The following GRM8 variants were observed in gnomAD, a reference collection of about 807,000 sequenced individuals.
GRM8 encodes the protein glutamate metabotropic receptor 8.
Under a neutral mutation model 87.2 loss-of-function variants are expected in GRM8, and 47 were observed. The ratio of observed to expected loss-of-function variants is 0.54; its 90% CI spans 0.43 to 0.69. GRM8 has a LOEUF of 0.69. Among genes scored for constraint, GRM8 ranks in the 30% least tolerant of loss-of-function variants. The probability of loss-of-function intolerance (pLI) is 0.00; values close to 1 mark genes in which losing one functional copy is unlikely to be tolerated. For missense variants in GRM8, 1,019 were observed against 1,139.2 expected, an observed-to-expected ratio of 0.89 and a Z score of 1.52; for synonymous variants, 396 against 404.5, an observed-to-expected ratio of 0.98 and a Z score of 0.25.
chr7:126,894,763 G>A (rs1406180675), intron 6 of GRM8, among the ~76,000 whole-genome samples: 2 of 151,986 alleles, frequency 1.3e-5, no homozygotes, highest in Non-Finnish European at 2.9e-5. Context: ...TTCAGAGCAG[G>A]AAAGGATGAA....
intron 7 of GRM8, among the ~76,000 whole-genome samples, chr7:126,736,656 T>C (rs1814266279): frequency 6.6e-6 from 1 of 152,096 alleles, no homozygotes; most frequent in South Asian, 2.1e-4. Context: ...CAAGACAGCT[T>C]AATAGAAATG....
At chr7:127,122,509 T>C (rs1252395476) in intron 2 of GRM8, among the ~76,000 whole-genome samples, 1 of 152,004 alleles carries the variant, frequency 6.6e-6, no homozygotes, top group African/African-American at 2.4e-5. Flanking sequence ...GGAAAACCTC[T>C]TAGGCACGTC....
intron 7 of GRM8, among the ~76,000 whole-genome samples, chr7:126,633,347 C>T (rs1801530850): frequency 6.6e-6 from 1 of 152,062 alleles, no homozygotes; most frequent in Non-Finnish European, 1.5e-5. Flanking sequence ...GAGAAGAACA[C>T]TAATAATATT....
intron 7 of GRM8, among the ~76,000 whole-genome samples, chr7:126,761,961 T>C (rs1817624674): frequency 6.6e-6 from 1 of 152,182 alleles, no homozygotes; most frequent in African/African-American, 2.4e-5. Flanking sequence ...TTATACTGTG[T>C]TTGTAAATGC....
At chr7:126,497,524 C>A (rs113940139) in intron 9 of GRM8, among the ~76,000 whole-genome samples, 3 of 151,930 alleles carry the variant, frequency 2.0e-5, no homozygotes, top group Non-Finnish European at 4.4e-5. Context: ...TAGATATATT[C>A]GAAATAATAT....
At chr7:127,205,662 G>T (rs547533189) in intron 2 of GRM8, among the ~76,000 whole-genome samples, 2 of 152,168 alleles carry the variant, frequency 1.3e-5, no homozygotes, top group Non-Finnish European at 2.9e-5. Context: ...CTCACCTGGG[G>T]TCTATGGCAG....
intron 3 of GRM8, among the ~76,000 whole-genome samples, chr7:127,094,387 T>A (rs1040443204): frequency 2.0e-5 from 3 of 152,090 alleles, no homozygotes; most frequent in African/African-American, 7.2e-5. Context: ...AGAAAATGGG[T>A]AATCCCAGGG....
Position 126,648,675 on chromosome 7 carries a change from A to G in GRM8, c.1358-39177T>C, listed in dbSNP as rs114805025. On this transcript the variant is annotated intron_variant, in intron 7 of 10. Transcript: ENST00000339582. ...TTTATGCTTTTGGATCAGGGATGAC[A>G]TTTGCTGATAGATACCAACAAGTTG... Among the ~76,000 whole-genome samples, 889 of 152,356 alleles carry G rather than the reference A, an allele frequency of 5.8e-3. 6 individuals carry two copies. The highest frequency in any genetic ancestry group is 0.02 in the African/African-American group (848 of 41,582).
chr7:126,486,700 G>A (rs1807414019), intron 9 of GRM8, among the ~76,000 whole-genome samples: 1 of 152,020 alleles, frequency 6.6e-6, no homozygotes, highest in South Asian at 2.1e-4. Flanking sequence ...AATTAAAACT[G>A]AGAAATATTT....
At chr7:126,829,023 T>C (rs979780573) in intron 6 of GRM8, among the ~76,000 whole-genome samples, 78 of 152,348 alleles carry the variant, frequency 5.1e-4, no homozygotes, top group Middle Eastern at 6.8e-3. Context: ...TGAGTGAGTT[T>C]CTTAATCCTG....
intron 7 of GRM8, among the ~76,000 whole-genome samples, chr7:126,642,455 G>A (rs887629753): frequency 9.9e-5 from 15 of 151,952 alleles, no homozygotes; most frequent in Middle Eastern, 3.2e-3. Flanking sequence ...TGGCTAACAC[G>A]GTGAAACCCC....
In GRM8 at chr7:127,106,608, G is replaced by A. The variant is rs2133080414; in HGVS notation, c.615C>T (p.Ala205=). The change falls in exon 3 of 11, where the codon GCC becomes GCT. Residue 205 remains alanine (A), a synonymous_variant. Coordinates refer to ENST00000339582, the MANE Select transcript of GRM8 (RefSeq NM_000845.3). ...VVPPDSYQAQ[A]MVDIVTALGW... ...CCAGTGCTGTCACGATGTCCACCATGGCTTGGGCTTGGTAGGAGTCAGGCG... is the reference window on the plus strand; with the variant it reads ...CCAGTGCTGTCACGATGTCCACCATAGCTTGGGCTTGGTAGGAGTCAGGCG... The A allele has an allele frequency of 6.2e-7, 1 of 1,614,024 alleles. No homozygotes were observed. Among genetic ancestry groups the A allele is most frequent in the Non-Finnish European group, 8.5e-7 (1 of 1,179,894 alleles).
rs141529361 is a variant in GRM8 at position 126,912,984 on chromosome 7, G to A, written c.728-8301C>T. 9.1e-3 allele frequency among the ~76,000 whole-genome samples: 1,383 copies of A among 152,116 alleles called. 15 individuals carry two copies. Among genetic ancestry groups the A allele is most frequent in the African/African-American group, 0.032 (1,312 of 41,490 alleles). Reference sequence around the variant, plus strand: ...GAGAAATAGGACCTTCATTCTTTCTGGTTTTTCAATAAAGAAGTTTTGTTA... The same window carrying A: ...GAGAAATAGGACCTTCATTCTTTCTAGTTTTTCAATAAAGAAGTTTTGTTA... On this transcript the variant is annotated intron_variant, in intron 3 of 10. Transcript: ENST00000339582.
At chr7:126,853,318 T>G (rs1756766309) in intron 6 of GRM8, among the ~76,000 whole-genome samples, 1 of 151,926 alleles carries the variant, frequency 6.6e-6, no homozygotes, top group South Asian at 2.1e-4. Context: ...TCGCAAGGTG[T>G]TTTTTTTGTT....
intron 3 of GRM8, among the ~76,000 whole-genome samples, chr7:126,959,035 G>T (rs1809038816): frequency 6.6e-6 from 1 of 152,182 alleles, no homozygotes; most frequent in South Asian, 2.1e-4. Flanking sequence ...TTTAACCTGG[G>T]TAGAAGGAAG....
chr7:126,563,003 A>G (rs1793868779), intron 8 of GRM8, among the ~76,000 whole-genome samples: 2 of 152,194 alleles, frequency 1.3e-5, no homozygotes, highest in South Asian at 4.1e-4. Context: ...ATTATAACAA[A>G]TGTATCCAAG....
chr7:127,138,930 C>A (rs1433544214), intron 2 of GRM8, among the ~76,000 whole-genome samples: 1 of 152,146 alleles, frequency 6.6e-6, no homozygotes. Context: ...CTAACACTGG[C>A]ACTCTGTCAA....
chr7:126,576,803 T>C (rs1022573584), intron 8 of GRM8, among the ~76,000 whole-genome samples: 1 of 152,194 alleles, frequency 6.6e-6, no homozygotes, highest in Non-Finnish European at 1.5e-5. Flanking sequence ...CCAGTCTGAC[T>C]GCAAAGGTGG....
At chr7:126,607,504 G>T (rs1798474487) in intron 8 of GRM8, among the ~76,000 whole-genome samples, 1 of 152,130 alleles carries the variant, frequency 6.6e-6, no homozygotes, top group Non-Finnish European at 1.5e-5. Flanking sequence ...TTCTGATTAG[G>T]TTCAAACATG....
Sources: gnomAD v4.1 joint callset for allele counts (sites outside exome capture counted in the v4.1 genomes callset) on GRCh38, gnomAD v4.1.1 for gene constraint, MANE v1.5 for transcripts, NCBI Gene and HGNC (gene_info 2026-07-23, HGNC 2026-07-21) for gene names.